The following LEPROTL1 variants were observed in gnomAD, a reference collection of about 807,000 sequenced individuals.
LEPROTL1 encodes leptin receptor overlapping transcript like 1.
In LEPROTL1, 6 loss-of-function variants were observed where a neutral mutation model predicts 15.4. The ratio of observed to expected loss-of-function variants is 0.39; its 90% CI spans 0.21 to 0.77. The LOEUF (loss-of-function observed/expected upper bound fraction) is 0.77. LEPROTL1 is among the 30% of genes least tolerant of loss of function. The pLI is 0.41. For missense variants in LEPROTL1, 128 were observed against 158.1 expected (o/e 0.81, Z 1.02); for synonymous variants, 56 against 52.6 (o/e 1.06, Z -0.28).
At chr8:30,103,532 G>C (rs558956368) in intron 2 of LEPROTL1, among the ~76,000 whole-genome samples, 4 of 152,170 alleles carry the variant, frequency 2.6e-5, no homozygotes, top group Admixed American at 1.3e-4. Flanking sequence ...CCTGAGGTCA[G>C]GAGTTTAAGA....
intron 3 of LEPROTL1, among the ~76,000 whole-genome samples, chr8:30,119,796 T>G (rs898692506): frequency 6.6e-6 from 1 of 152,226 alleles, no homozygotes. Flanking sequence ...AAGTTGGGCC[T>G]GGCGGCTCAT....
intron 3 of LEPROTL1, chr8:30,117,587 C>T (rs902709579): frequency 1.9e-5 from 27 of 1,427,772 alleles, no homozygotes; most frequent in Non-Finnish European, 2.6e-5. Context: ...CTGTGAGGTT[C>T]ACAACAATTT....
chr8:30,126,828 A>G (rs1398436769), intron 3 of LEPROTL1, among the ~76,000 whole-genome samples: 1 of 152,230 alleles, frequency 6.6e-6, no homozygotes, highest in African/African-American at 2.4e-5. Flanking sequence ...ACTTGAGGCC[A>G]GAAGTTCAAG....
chr8:30,099,180 A>G (rs1192588583), intron 1 of LEPROTL1, among the ~76,000 whole-genome samples: 4 of 152,156 alleles, frequency 2.6e-5, no homozygotes, highest in African/African-American at 9.7e-5. Context: ...GATTGTTGTC[A>G]TTGCTCTGTC....
chr8:30,107,328 G>A lies in LEPROTL1; in HGVS notation c.*1466G>A, dbSNP rs1009989739. 1.0e-6 allele frequency: 1 copy of A among 985,654 alleles called. No homozygotes were observed. The highest frequency in any genetic ancestry group is 1.7e-5 in the African/African-American group (1 of 57,314). The allele number at this position is 985,654 out of a possible 1,614,324, so 61.1% of individuals were successfully genotyped here. On this transcript the variant is annotated 3_prime_UTR_variant, in exon 4 of 4. Transcript: ENST00000321250. ...TTATCAGGACTTTTTTCAGGAGTGG[G>A]TTATAAAAACATTCAAGTTGGTCTG... is the stretch of plus-strand genomic sequence containing the variant.
intron 1 of LEPROTL1, among the ~76,000 whole-genome samples, chr8:30,100,008 C>G (rs1394142166): frequency 6.6e-6 from 1 of 152,212 alleles, no homozygotes; most frequent in Non-Finnish European, 1.5e-5. Context: ...GTTTTCCTTA[C>G]AGTTTATATT....
Position 30,104,485 on chromosome 8 carries a change from T to C in LEPROTL1, c.278T>C (p.Leu93Pro). The C allele has an allele frequency of 6.3e-7, 1 of 1,578,616 alleles. No homozygotes were observed. Among genetic ancestry groups the C allele is most frequent in the Non-Finnish European group, 8.6e-7 (1 of 1,162,224 alleles). ...CCTATTGTATTTGCCAGAGCACATC[T>C]GGTAAGTGAATATATTCTTCCATTA... ...GLPIVFARAH[L>P]IEWGACALVL... The change falls in exon 3 of 4, where the codon CTG becomes CCG. Residue 93 changes from leucine to proline, a missense_variant and splice_region_variant. Transcript: ENST00000321250.
chr8:30,119,546 T>G lies in LEPROTL1; in HGVS notation c.280-12829T>G, dbSNP rs572245081. Among the ~76,000 whole-genome samples, 25 of 152,282 alleles carry G rather than the reference T, an allele frequency of 1.6e-4. No individual in the cohort carries two copies. In the East Asian group the frequency reaches 4.6e-3, roughly 28 times the overall value. On this transcript the variant is annotated intron_variant, in intron 3 of 4. Transcript: ENST00000442880. ...CTATTCTGTGTCTGTGTCCTAATTG[T>G]CTGATTTTAGAGGGATGCCAGTCAT...
chr8:30,106,558 T>G lies in LEPROTL1; in HGVS notation c.*696T>G. 3 of 983,982 alleles carry G rather than the reference T, an allele frequency of 3.0e-6. No homozygotes were observed. The highest frequency in any genetic ancestry group is 3.6e-6 in the Non-Finnish European group (3 of 828,666). 61.0% of individuals were successfully genotyped at this position (983,982 alleles called of 1,614,324 possible). A position where few individuals can be genotyped will look rare whatever the true frequency, so the allele number is the denominator to read the frequency against. On this transcript the variant is annotated 3_prime_UTR_variant, in exon 4 of 4. Coordinates refer to ENST00000321250, the MANE Select transcript of LEPROTL1 (RefSeq NM_015344.3). ...TTTCTTCTCAATTGTTAGAAGAATT[T>G]ATGTTAAACTTTAAGGTAAGGGTGT...
At chr8:30,130,781 A>AT (rs11411595) in intron 3 of LEPROTL1, among the ~76,000 whole-genome samples, 96,506 of 133,790 alleles carry the variant, frequency 0.72, 36,961 homozygotes, top group Middle Eastern at 0.88. Context: ...TCAAAAAAAA[A>AT]TTTTTTTTTT....
intron 2 of LEPROTL1, among the ~76,000 whole-genome samples, 160 bp downstream of exon 2, chr8:30,102,133 A>G (rs1178529851): frequency 1.3e-5 from 2 of 152,174 alleles, no homozygotes; most frequent in Admixed American, 1.3e-4. Flanking sequence ...TTTGTTTCTA[A>G]AGATTTTAGG....
At chr8:30,138,038 A>G (rs776806602), downstream of LEPROTL1, 1 of 172,548 alleles carries the variant, frequency 5.8e-6, no homozygotes, top group East Asian at 1.5e-4. Flanking sequence ...AGCTGACTCA[A>G]TGCAAGAAGA....
rs1484894638 is a variant in LEPROTL1, at chr8:30,104,357, C to T, written c.150C>T (p.Cys50=). The change falls in exon 3 of 4, where the codon TGC becomes TGT. Residue 50 remains cysteine (C), a synonymous_variant. Transcript: ENST00000321250. ...ACATCCTTTCACCTATTCCATACTGCATAGCAAGAAGATTAGTGGATGATA... is the reference window on the plus strand; with the variant it reads ...ACATCCTTTCACCTATTCCATACTGTATAGCAAGAAGATTAGTGGATGATA... ...FFYILSPIPY[C]IARRLVDDTD... The T allele has an allele frequency of 6.2e-7, 1 of 1,609,164 alleles. No homozygotes were observed. The highest frequency in any genetic ancestry group is 1.7e-5 in the Admixed American group (1 of 59,508).
chr8:30,109,862 G>GA (rs112765278), downstream of LEPROTL1, among the ~76,000 whole-genome samples: 18,983 of 151,534 alleles, frequency 0.13, 1,483 homozygotes, highest in East Asian at 0.23. Context: ...GCTTTTTTAA[G>GA]AAAAAAATAA....
intron 3 of LEPROTL1, among the ~76,000 whole-genome samples, chr8:30,119,011 C>A (rs6984380): frequency 0.86 from 131,485 of 152,040 alleles, 57,892 homozygotes; most frequent in South Asian, 0.98. Context: ...TTCCCATCCC[C>A]CGAGGCCATA....
downstream of LEPROTL1, among the ~76,000 whole-genome samples, chr8:30,110,468 G>A (rs1802639635): frequency 6.6e-6 from 1 of 152,102 alleles, no homozygotes; most frequent in African/African-American, 2.4e-5. Context: ...GCTCACACCT[G>A]TAATCCCAGC....
intron 3 of LEPROTL1, among the ~76,000 whole-genome samples, chr8:30,117,964 A>T (rs560697756): frequency 6.6e-6 from 1 of 151,950 alleles, no homozygotes; most frequent in East Asian, 1.9e-4. Flanking sequence ...ATAAAATAGA[A>T]ATTAGTATGA....
downstream of LEPROTL1, chr8:30,137,944 T>C: frequency 4.9e-6 from 1 of 205,776 alleles, no homozygotes; most frequent in Non-Finnish European, 1.0e-5. Context: ...CTTGAGATGT[T>C]TTGTAGACCC....
At chr8:30,095,584 G>C (rs999123903) in intron 1 of LEPROTL1, 56 bp downstream of exon 1, 1 of 1,295,742 alleles carries the variant, frequency 7.7e-7, no homozygotes. Flanking sequence ...AAGATGGGCC[G>C]GGGGTCCCAC....
Sources: allele counts gnomAD v4.1 joint callset (sites outside exome capture counted in the v4.1 genomes callset), GRCh38; gene constraint gnomAD v4.1.1; transcripts MANE v1.5; gene names NCBI Gene and HGNC (gene_info 2026-07-23, HGNC 2026-07-21).